CDC37: variants seen among roughly 807,000 people sequenced by gnomAD.
CDC37 encodes hsp90 co-chaperone Cdc37.
A neutral mutation model predicts 46.9 loss-of-function variants in CDC37; 9 were observed. The observed-to-expected ratio is 0.19, with a 90% confidence interval of 0.12 to 0.33. The LOEUF is 0.33. Ranked by LOEUF, CDC37 falls within the 10% of genes least tolerant of loss-of-function variation. The probability of loss-of-function intolerance (pLI) is 1.00; values close to 1 mark genes in which losing one functional copy is unlikely to be tolerated. For synonymous variants in CDC37, 193 were observed against 191.0 expected, an observed-to-expected ratio of 1.01 and a Z score of -0.09; for missense variants, 388 against 514.6, an observed-to-expected ratio of 0.75 and a Z score of 2.38.
Position 10,393,572 on chromosome 19 carries a change from AGGGCTCCCCAAGGCCT to A in CDC37, c.727-147_727-132del, listed in dbSNP as rs2042470981. On this transcript the variant is annotated intron_variant, in intron 5 of 7. Coordinates refer to ENST00000222005, the MANE Select transcript of CDC37 (RefSeq NM_007065.4). The surrounding 1 kb of genome is among the most constrained non-coding windows in gnomAD (Gnocchi z 4.9). ...CCAAGTCTATTCCTGACCTACATGAAGGGCTCCCCAAGGCCTGGGCTCCCCCGCCGGGGACCTCATC... is the reference window on the plus strand; with the variant it reads ...CCAAGTCTATTCCTGACCTACATGAAGGGCTCCCCCGCCGGGGACCTCATC... 1.0e-6 allele frequency: 1 copy of A among 958,368 alleles called. No individual in the cohort carries two copies. Among genetic ancestry groups the A allele is most frequent in the Non-Finnish European group, 1.5e-6 (1 of 665,794 alleles). 59.4% of individuals were successfully genotyped at this position (958,368 alleles called of 1,614,324 possible). A position where few individuals can be genotyped will look rare whatever the true frequency, so the allele number is the denominator to read the frequency against.
Position 10,402,582 on chromosome 19 carries a change from G to T in CDC37, c.102+796C>A, listed in dbSNP as rs573462923. Among the ~76,000 whole-genome samples, 10 of 152,298 alleles carry T rather than the reference G, an allele frequency of 6.6e-5. 1 individual carries two copies. Among genetic ancestry groups the T allele is most frequent in the African/African-American group, 2.4e-4 (10 of 41,562 alleles). ...GGGTCTGCAATACCAAGTAGGAGCA[G>T]GGGCTCTGGCTAGGCCGGAAGCCAC... On this transcript the variant is annotated intron_variant, in intron 1 of 7. Coordinates refer to ENST00000222005, the MANE Select transcript of CDC37 (RefSeq NM_007065.4).
At position 10,395,917 on chromosome 19, in the gene CDC37, G is replaced by GC. The variant is rs1188612914; in HGVS notation, c.378+10dup. On this transcript the variant is annotated intron_variant, in intron 2 of 7. Coordinates refer to ENST00000222005, the MANE Select transcript of CDC37 (RefSeq NM_007065.4). ...CGCATGCGCACTGCCCGCCCCGCCCGCCCCGCACACCTTGCTGAAGCCGTC... is the reference window on the plus strand; with the variant it reads ...CGCATGCGCACTGCCCGCCCCGCCCGCCCCCGCACACCTTGCTGAAGCCGTC... 9.7e-6 allele frequency: 4 copies of GC among 410,604 alleles called. No individual in the cohort carries two copies. The highest frequency in any genetic ancestry group is 1.7e-5 in the Non-Finnish European group (4 of 230,160). 25.4% of individuals were successfully genotyped at this position (410,604 alleles called of 1,614,324 possible). A position where few individuals can be genotyped will look rare whatever the true frequency, so the allele number is the denominator to read the frequency against.
chr19:10,391,418 TG>T lies in CDC37; in HGVS notation c.*132del. 9.5e-7 allele frequency: 1 copy of T among 1,049,772 alleles called. No homozygotes were observed. The allele number at this position is 1,049,772 out of a possible 1,614,324, so 65.0% of individuals were successfully genotyped here. ...AGACAGTGGAGAGGCCAGGGAGGGC[TG>T]GGCGGGCCCCCCAGGCTGGGCCGAG... is the stretch of plus-strand genomic sequence containing the variant. On this transcript the variant is annotated 3_prime_UTR_variant, in exon 8 of 8. Coordinates refer to ENST00000222005, the MANE Select transcript of CDC37 (RefSeq NM_007065.4).
chr19:10,391,794 C>T, intron 7 of CDC37, 88 bp from the exon 8 acceptor site: 6 of 1,364,102 alleles, frequency 4.4e-6, no homozygotes, highest in Non-Finnish European at 6.1e-6. Context: ...CCCAAGCTGG[C>T]TTCCTGCCTA....
intron 2 of CDC37, 132 bp downstream of exon 2, chr19:10,395,796 C>G: frequency 1.6e-6 from 1 of 607,220 alleles, no homozygotes; most frequent in Non-Finnish European, 2.5e-6. Context: ...TCCCTCAGCT[C>G]CCCGCCCCCC....
At position 10,403,487 on chromosome 19, in the gene CDC37, T is replaced by G. The variant is rs775786517; in HGVS notation, c.-8A>C. The G allele has an allele frequency of 6.2e-7, 1 of 1,609,016 alleles. No individual in the cohort carries two copies. The stretch of plus-strand genomic sequence containing the variant: ...CACGCTGTAGTCCACCATCTTGCCT[T>G]GGCGGCCCAGCCCGCTCCGGCTCGG... On this transcript the variant is annotated 5_prime_UTR_variant, in exon 1 of 8. Coordinates refer to ENST00000222005, the MANE Select transcript of CDC37 (RefSeq NM_007065.4).
At chr19:10,395,389 G>A in intron 3 of CDC37, 46 bp from the exon 4 acceptor site, 3 of 1,606,028 alleles carry the variant, frequency 1.9e-6, no homozygotes, top group African/African-American at 2.7e-5. Flanking sequence ...TGGAGGCAAA[G>A]GGCCTGCCTC....
chr19:10,395,673 G>C (rs1365949633), intron 2 of CDC37, 130 bp from the exon 3 acceptor site: 1 of 871,664 alleles, frequency 1.1e-6, no homozygotes, highest in Admixed American at 1.9e-5. Context: ...TGAGCATCAA[G>C]GTGGCGGGAG....
chr19:10,394,938 G>C (rs2042479102), intron 5 of CDC37, 83 bp downstream of exon 5: 2 of 1,415,906 alleles, frequency 1.4e-6, no homozygotes, highest in South Asian at 1.6e-5. Flanking sequence ...TCCCAGTGGA[G>C]AGGAGTCGGC....
chr19:10,393,329 T>C lies in CDC37; in HGVS notation c.839A>G (p.Glu280Gly). The change falls in exon 6 of 8, where the codon GAG becomes GGG. Residue 280 changes from glutamate (E) to glycine (G), a missense_variant. Glu to Gly is a moderately conservative substitution (Grantham distance 98). Transcript: ENST00000222005. This position sits in a 1 kb window ranked among gnomAD's most constrained non-coding sequence, Gnocchi z 4.9. Reference sequence around the variant, plus strand: ...GCCGAGCCGCTTCTTGCGCTCCTCCTCCTCGTACTCCTTCATGGCCTTCTC... The same window carrying C: ...GCCGAGCCGCTTCTTGCGCTCCTCCCCCTCGTACTCCTTCATGGCCTTCTC... ...RIEKAMKEYE[E>G]EERKKRLGPG... 2 of 1,613,892 alleles carry C rather than the reference T, an allele frequency of 1.2e-6. No homozygotes were observed. Among genetic ancestry groups the C allele is most frequent in the Non-Finnish European group, 1.7e-6 (2 of 1,179,952 alleles).
intron 7 of CDC37, among the ~76,000 whole-genome samples, chr19:10,392,040 G>T (rs11880990): frequency 0.3 from 45,811 of 152,102 alleles, 7,179 homozygotes; most frequent in East Asian, 0.51. Context: ...GCCCTTAGGT[G>T]ATCTGCCTGC....
In CDC37 at chr19:10,393,158, C is replaced by G. The variant is rs1295881341; in HGVS notation, c.910-1G>C. The G allele has an allele frequency of 6.2e-7, 1 of 1,613,938 alleles. No homozygotes were observed. The highest frequency in any genetic ancestry group is 1.3e-5 in the African/African-American group (1 of 75,002). On this transcript the variant is annotated splice_acceptor_variant, in intron 6 of 7. Transcript: ENST00000222005. LOFTEE classifies it high-confidence loss of function. The surrounding 1 kb of genome is among the most constrained non-coding windows in gnomAD (Gnocchi z 4.9). ...TCACATCGAAGCACTTCTGGAGTTC[C>G]TGGGGGTACAGAGGGGCTGGGGTCA...
chr19:10,395,165 G>A (rs2042480535), intron 4 of CDC37, 22 bp from the exon 5 acceptor site: 2 of 1,610,272 alleles, frequency 1.2e-6, no homozygotes, highest in Non-Finnish European at 1.7e-6. Flanking sequence ...AACAGGCACA[G>A]CGTCACCAAG....
At chr19:10,397,244 T>C (rs1046177355) in intron 1 of CDC37, among the ~76,000 whole-genome samples, 1 of 150,350 alleles carries the variant, frequency 6.7e-6, no homozygotes, top group South Asian at 2.1e-4. Context: ...AAATGCTTGT[T>C]TTTTTTTTTG....
chr19:10,401,358 T>C (rs992188180), intron 1 of CDC37, among the ~76,000 whole-genome samples: 1 of 152,038 alleles, frequency 6.6e-6, no homozygotes, highest in African/African-American at 2.4e-5. Flanking sequence ...TACATGCCAC[T>C]ACAACCACCG....
intron 5 of CDC37, among the ~76,000 whole-genome samples, chr19:10,394,535 T>A (rs11881260): frequency 0.13 from 19,081 of 151,230 alleles, 1,393 homozygotes; most frequent in African/African-American, 0.2. Flanking sequence ...TTAATTAATT[T>A]ATTTATTTAT....
chr19:10,402,523 T>C (rs2042525076), intron 1 of CDC37, among the ~76,000 whole-genome samples: 1 of 152,074 alleles, frequency 6.6e-6, no homozygotes, highest in East Asian at 1.9e-4. Context: ...CTGAGGCTCA[T>C]ACAGGAAGCC....
chr19:10,395,935 A>C lies in CDC37; in HGVS notation c.371T>G (p.Phe124Cys). The change falls in exon 2 of 8, where the codon TTC (phenylalanine) becomes TGC (cysteine). Residue 124 changes from phenylalanine (F) to cysteine (C), a missense_variant. By Grantham distance (205) the Phe-to-Cys change is radical. This residue lies in a region of CDC37 where 374 missense variants were observed against 467.4 expected (regional missense o/e 0.80). Coordinates refer to ENST00000222005, the MANE Select transcript of CDC37 (RefSeq NM_007065.4). ...CCCGCCCGCCCCGCACACCTTGCTG[A>C]AGCCGTCTTTGCTGAGCGTGTCCAC... ...WNVDTLSKDG[F>C]SKSMVNTKPE... 1 of 744,254 alleles carries C rather than the reference A, an allele frequency of 1.3e-6. No homozygotes were observed. The highest frequency in any genetic ancestry group is 2.1e-6 in the Non-Finnish European group (1 of 469,844). The allele number at this position is 744,254 out of a possible 1,614,324, so 46.1% of individuals were successfully genotyped here.
chr19:10,403,512 G>T lies in CDC37; in HGVS notation c.-33C>A, dbSNP rs368416033. 2 of 1,546,228 alleles carry T rather than the reference G, an allele frequency of 1.3e-6. No homozygotes were observed. The highest frequency in any genetic ancestry group is 1.1e-5 in the South Asian group (1 of 89,194). ...TGGCGGCCCAGCCCGCTCCGGCTCG[G>T]GTGGCGGCGACGGCGGCAGCAGTGG... On this transcript the variant is annotated 5_prime_UTR_variant, in exon 1 of 8. Transcript: ENST00000222005.
Sources: allele counts gnomAD v4.1 joint callset (sites outside exome capture counted in the v4.1 genomes callset), GRCh38; gene constraint gnomAD v4.1.1; regional missense constraint gnomAD v4.1.1; non-coding constraint Gnocchi (gnomAD v3.1); transcripts MANE v1.5; gene names NCBI Gene and HGNC (gene_info 2026-07-23, HGNC 2026-07-21).